Variants in ACOT12 observed in about 807,000 individuals in gnomAD.
ACOT12 encodes the protein acetyl-coenzyme A thioesterase.
In ACOT12, 51 loss-of-function variants were observed where a neutral mutation model predicts 67.7. The ratio of observed to expected loss-of-function variants is 0.75; its 90% CI spans 0.60 to 0.95. ACOT12 has a LOEUF of 0.95. ACOT12 is among the 40% of genes least tolerant of loss of function. The pLI is 0.00. For missense variants in ACOT12, 734 were observed against 708.1 expected (o/e 1.04, Z -0.41); for synonymous variants, 251 against 244.6 (o/e 1.03, Z -0.24).
At chr5:81,315,819 A>G in the ACOT12 span, among the ~76,000 whole-genome samples, 9 of 152,106 alleles carry the variant, frequency 5.9e-5, no homozygotes, top group African/African-American at 1.9e-4. Context: ...CCCTATTTAA[A>G]ACAGAATCTA....
intron 5 of ACOT12, among the ~76,000 whole-genome samples, chr5:81,353,538 T>G (rs1336979798): frequency 1.3e-5 from 2 of 152,338 alleles, no homozygotes; most frequent in East Asian, 3.9e-4. Flanking sequence ...TTTCTGCATA[T>G]CCAGAAAATT....
At chr5:81,336,375 GAATC>G in intron 11 of ACOT12, among the ~76,000 whole-genome samples, 1 of 152,124 alleles carries the variant, frequency 6.6e-6, no homozygotes, top group East Asian at 1.9e-4. Context: ...TCCAGGAACT[GAATC>G]AACCACTTCT....
intron 3 of ACOT12, among the ~76,000 whole-genome samples, chr5:81,366,770 A>T (rs73126074): frequency 1.2e-3 from 181 of 152,314 alleles, no homozygotes; most frequent in African/African-American, 4.2e-3. Flanking sequence ...AAACCAGATA[A>T]GATTAACAGC....
At position 81,386,897 on chromosome 5, in the gene ACOT12, G is replaced by A. The variant is rs1760737802; in HGVS notation, c.128-1071C>T. On this transcript the variant is annotated intron_variant, in intron 1 of 14. Transcript: ENST00000307624. ...TCAAGGAAGGGAAAATGGAAGAATC[G>A]GACTCTAGGAATGCTCAAGGTGGAC... is the stretch of plus-strand genomic sequence containing the variant. 2.6e-5 allele frequency among the ~76,000 whole-genome samples: 4 copies of A among 151,762 alleles called. No homozygotes were observed. The South Asian group carries it at 6.3e-4, about 24-fold the overall frequency.
chr5:81,314,034 T>C, the ACOT12 span, among the ~76,000 whole-genome samples: 2 of 152,198 alleles, frequency 1.3e-5, no homozygotes, highest in Non-Finnish European at 2.9e-5. Flanking sequence ...TTAGGTCTAA[T>C]GCTTTTTGTA....
At chr5:81,358,559 C>G (rs1412127482) in intron 5 of ACOT12, among the ~76,000 whole-genome samples, 1 of 152,090 alleles carries the variant, frequency 6.6e-6, no homozygotes, top group Non-Finnish European at 1.5e-5. Context: ...TTAAAAATAA[C>G]TTGGTCTGGG....
At chr5:81,345,689 G>A (rs779250428) in intron 7 of ACOT12, among the ~76,000 whole-genome samples, 196 bp downstream of exon 7, 4 of 151,830 alleles carry the variant, frequency 2.6e-5, no homozygotes, top group African/African-American at 7.3e-5. Flanking sequence ...ACAAAAACCA[G>A]TCCTTCACAA....
intron 11 of ACOT12, among the ~76,000 whole-genome samples, chr5:81,337,608 G>A (rs764073022): frequency 2.6e-5 from 4 of 152,150 alleles, no homozygotes; most frequent in Non-Finnish European, 5.9e-5. Context: ...TGGAGATCTG[G>A]TGATGTTTCT....
At chr5:81,333,205 G>A (rs542657164) in intron 12 of ACOT12, among the ~76,000 whole-genome samples, 1 of 152,290 alleles carries the variant, frequency 6.6e-6, no homozygotes, top group African/African-American at 2.4e-5. Flanking sequence ...AAGGCATTGA[G>A]CTGTTTTACA....
the ACOT12 span, among the ~76,000 whole-genome samples, chr5:81,311,553 T>G: frequency 6.6e-6 from 1 of 152,118 alleles, no homozygotes; most frequent in Admixed American, 6.5e-5. Context: ...ACTAATGAAT[T>G]TAATATAATA....
intron 3 of ACOT12, among the ~76,000 whole-genome samples, chr5:81,366,183 C>A (rs567060117): frequency 2.0e-5 from 3 of 152,178 alleles, no homozygotes; most frequent in African/African-American, 7.2e-5. Flanking sequence ...GAGTTTAAAA[C>A]GTATCTTTAA....
intron 9 of ACOT12, 77 bp from the exon 10 acceptor site, chr5:81,343,958 C>T (rs1759288827): frequency 1.5e-6 from 2 of 1,379,112 alleles, no homozygotes; most frequent in African/African-American, 2.9e-5. Context: ...ATAATACTTT[C>T]TTGAACTTCT....
At chr5:81,341,702 G>A (rs1282030750) in intron 11 of ACOT12, among the ~76,000 whole-genome samples, 1 of 152,114 alleles carries the variant, frequency 6.6e-6, no homozygotes, top group African/African-American at 2.4e-5. Flanking sequence ...TAGTTATTGT[G>A]GGCATGAGCT....
chr5:81,319,890 T>C, the ACOT12 span, among the ~76,000 whole-genome samples: 1 of 151,174 alleles, frequency 6.6e-6, no homozygotes. Flanking sequence ...TGACATGCTG[T>C]GACAAACCTT....
chr5:81,354,429 A>G (rs919214255), intron 5 of ACOT12, among the ~76,000 whole-genome samples: 1 of 152,196 alleles, frequency 6.6e-6, no homozygotes, highest in Non-Finnish European at 1.5e-5. Context: ...TATTAGTGCA[A>G]CTTGCACAAC....
chr5:81,376,388 G>A (rs1760412739), intron 2 of ACOT12, among the ~76,000 whole-genome samples: 1 of 151,656 alleles, frequency 6.6e-6, no homozygotes, highest in African/African-American at 2.4e-5. Flanking sequence ...GAGAAAGCAG[G>A]AAAGATCCAA....
chr5:81,339,294 C>G (rs1759113791), intron 11 of ACOT12, among the ~76,000 whole-genome samples: 1 of 152,218 alleles, frequency 6.6e-6, no homozygotes, highest in Non-Finnish European at 1.5e-5. Context: ...GGCCCAGCCC[C>G]TCCCCCGGCT....
intron 5 of ACOT12, among the ~76,000 whole-genome samples, chr5:81,358,804 G>A (rs1580561803): frequency 6.6e-6 from 1 of 151,726 alleles, no homozygotes; most frequent in Admixed American, 6.6e-5. Context: ...AGCCGAGTTT[G>A]CACCATTGCA....
At chr5:81,378,417 T>C (rs184030392) in intron 2 of ACOT12, among the ~76,000 whole-genome samples, 2 of 152,194 alleles carry the variant, frequency 1.3e-5, no homozygotes, top group Non-Finnish European at 2.9e-5. Context: ...ATTCAGGACA[T>C]AGGCGTGGGC....
Sources: gnomAD v4.1 joint callset for allele counts (sites outside exome capture counted in the v4.1 genomes callset) on GRCh38, gnomAD v4.1.1 for gene constraint, MANE v1.5 for transcripts, NCBI Gene and HGNC (gene_info 2026-07-23, HGNC 2026-07-21) for gene names.